The following RAB38 variants were observed in gnomAD, a reference collection of about 807,000 sequenced individuals.
The protein encoded by RAB38 is ras-related protein Rab-38.
RAB38 carries 15 observed loss-of-function variants against 18.4 expected under a neutral mutation model. The ratio of observed to expected loss-of-function variants is 0.82; its 90% CI spans 0.55 to 1.26. The LOEUF (loss-of-function observed/expected upper bound fraction) is 1.26. Among genes scored for constraint, RAB38 ranks in the 50% most tolerant of loss-of-function variants. The pLI is 0.00. For missense variants in RAB38, 294 were observed against 267.4 expected, an observed-to-expected ratio of 1.10 and a Z score of -0.69; for synonymous variants, 101 against 104.4, an observed-to-expected ratio of 0.97 and a Z score of 0.20.
chr11:88,143,091 G>A (rs1191696243), intron 2 of RAB38, among the ~76,000 whole-genome samples: 1 of 152,160 alleles, frequency 6.6e-6, no homozygotes, highest in African/African-American at 2.4e-5. Flanking sequence ...GTGGTTGGGT[G>A]GCTAAGCTGT....
the RAB38 span, among the ~76,000 whole-genome samples, chr11:87,912,762 C>CTTTTTTTTTTTTTTTT: frequency 6.9e-5 from 6 of 86,522 alleles, no homozygotes; most frequent in Admixed American, 1.1e-4. Flanking sequence ...AATTTTCTTT[C>CTTTTTTTTTTTTTTTT]TTTCTTTTTT....
At chr11:87,965,941 T>C in the RAB38 span, among the ~76,000 whole-genome samples, 1 of 152,174 alleles carries the variant, frequency 6.6e-6, no homozygotes, top group Non-Finnish European at 1.5e-5. Flanking sequence ...AAGAAAACAA[T>C]GTTATGTATC....
At chr11:87,976,600 T>C in the RAB38 span, among the ~76,000 whole-genome samples, 604 of 44,836 alleles carry the variant, frequency 0.013, 5 homozygotes, top group African/African-American at 0.043. Flanking sequence ...ATACTGTCTA[T>C]AAATACATAT....
At chr11:88,029,797 C>G in the RAB38 span, among the ~76,000 whole-genome samples, 1 of 152,058 alleles carries the variant, frequency 6.6e-6, no homozygotes, top group Non-Finnish European at 1.5e-5. Flanking sequence ...TTTAACACCC[C>G]ACTGTCAACA....
chr11:87,860,467 T>C, the RAB38 span, among the ~76,000 whole-genome samples: 1 of 151,982 alleles, frequency 6.6e-6, no homozygotes, highest in Non-Finnish European at 1.5e-5. Context: ...CTAATGACTT[T>C]TAGAGAAGAG....
chr11:88,013,929 T>C, the RAB38 span, among the ~76,000 whole-genome samples: 1 of 152,080 alleles, frequency 6.6e-6, no homozygotes, highest in South Asian at 2.1e-4. Flanking sequence ...GCTCAATAAA[T>C]AATACCAGAA....
chr11:87,813,524 C>T, the RAB38 span, among the ~76,000 whole-genome samples: 1 of 151,936 alleles, frequency 6.6e-6, no homozygotes. Context: ...CACACACACA[C>T]ACACACACAC....
chr11:87,824,732 T>C, the RAB38 span, among the ~76,000 whole-genome samples: 1 of 151,694 alleles, frequency 6.6e-6, no homozygotes, highest in Non-Finnish European at 1.5e-5. Context: ...GTGGAAAAAA[T>C]AGAAGTAAAT....
At chr11:87,946,464 T>C in the RAB38 span, among the ~76,000 whole-genome samples, 3 of 152,286 alleles carry the variant, frequency 2.0e-5, no homozygotes, top group African/African-American at 7.2e-5. Context: ...TATATATACA[T>C]GTGCCATGTT....
the RAB38 span, among the ~76,000 whole-genome samples, chr11:87,909,683 A>T: frequency 8.5e-5 from 13 of 152,100 alleles, 1 homozygote; most frequent in South Asian, 2.7e-3. Context: ...TTCATACAGT[A>T]TATGCTCTTT....
the RAB38 span, among the ~76,000 whole-genome samples, chr11:87,893,390 A>ATTTT: frequency 8.5e-5 from 8 of 93,882 alleles, no homozygotes; most frequent in East Asian, 3.3e-4. Context: ...ATATATATAT[A>ATTTT]TTTTTTTTTT....
At chr11:87,949,278 C>CTTTT in the RAB38 span, among the ~76,000 whole-genome samples, 1 of 152,088 alleles carries the variant, frequency 6.6e-6, no homozygotes, top group Non-Finnish European at 1.5e-5. Flanking sequence ...ATTCTTCTCT[C>CTTTT]TTTTCTTCTT....
the RAB38 span, among the ~76,000 whole-genome samples, chr11:87,960,388 G>GAAAAAAAAAAAAAAAAAA: frequency 9.1e-5 from 13 of 142,104 alleles, no homozygotes; most frequent in Non-Finnish European, 1.1e-4. Context: ...ACAAAAAAAA[G>GAAAAAAAAAAAAAAAAAA]AAAAAAAGAG....
chr11:87,883,127 C>A, the RAB38 span, among the ~76,000 whole-genome samples: 1 of 151,822 alleles, frequency 6.6e-6, no homozygotes, highest in Non-Finnish European at 1.5e-5. Context: ...TGCAGGAGGT[C>A]ACTGTTGACA....
chr11:87,952,173 TG>T, the RAB38 span, among the ~76,000 whole-genome samples: 2 of 152,026 alleles, frequency 1.3e-5, no homozygotes, highest in East Asian at 1.9e-4. Flanking sequence ...CCAGAGGAGC[TG>T]GGGGGTAGGG....
At chr11:88,124,845 GATTT>G (rs1479831597) in intron 2 of RAB38, among the ~76,000 whole-genome samples, 1 of 152,150 alleles carries the variant, frequency 6.6e-6, no homozygotes, top group African/African-American at 2.4e-5. Flanking sequence ...TAGATGAAAT[GATTT>G]ATTATTCAGC....
At chr11:88,021,371 A>G in the RAB38 span, among the ~76,000 whole-genome samples, 1 of 152,190 alleles carries the variant, frequency 6.6e-6, no homozygotes, top group East Asian at 1.9e-4. Context: ...CATACAGCCT[A>G]CCAAGATTGA....
Position 88,114,055 on chromosome 11 carries a change from G to T in RAB38, c.569C>A (p.Pro190Gln). Residue 190 changes from proline to glutamine, a missense_variant, in exon 3 of 3, where the codon CCG becomes CAG. Pro to Gln is a moderately conservative substitution (Grantham distance 76). Transcript: ENST00000243662. ...NECDLMESIE[P>Q]DVVKPHLTST... ...TGTGAGATGGGGCTTCACGACGTCC[G>T]GCTCAATAGACTCCATTAGGTCACA... The T allele has an allele frequency of 1.2e-6, 2 of 1,614,110 alleles. No homozygotes were observed. Among genetic ancestry groups the T allele is most frequent in the Non-Finnish European group, 1.7e-6 (2 of 1,180,010 alleles).
At chr11:88,172,891 T>G (rs1180049375) in intron 1 of RAB38, among the ~76,000 whole-genome samples, 1 of 152,206 alleles carries the variant, frequency 6.6e-6, no homozygotes, top group East Asian at 1.9e-4. Context: ...TTAAGGCTGC[T>G]AAAGACAGGT....
Sources: gnomAD v4.1 joint callset for allele counts (sites outside exome capture counted in the v4.1 genomes callset) on GRCh38, gnomAD v4.1.1 for gene constraint, MANE v1.5 for transcripts, NCBI Gene and HGNC (gene_info 2026-07-23, HGNC 2026-07-21) for gene names.